CPD: variants seen among roughly 807,000 people sequenced by gnomAD.
CPD encodes carboxypeptidase D.
A neutral mutation model predicts 138.3 loss-of-function variants in CPD; 69 were observed. That is an observed-to-expected ratio of 0.50 (90% CI 0.41 to 0.61). The LOEUF is 0.61. Ranked by LOEUF, CPD falls within the 20% of genes least tolerant of loss-of-function variation. The pLI, the probability that CPD is intolerant of heterozygous loss-of-function variation, is 0.00. For synonymous variants in CPD, 651 were observed against 642.1 expected (o/e 1.01, Z -0.21); for missense variants, 1,432 against 1,733.3 (o/e 0.83, Z 3.09).
chr17:30,378,984 G>T lies in CPD; in HGVS notation c.4G>T (p.Ala2Ser). 1.3e-6 allele frequency: 2 copies of T among 1,530,492 alleles called. No homozygotes were observed. Among genetic ancestry groups the T allele is most frequent in the Non-Finnish European group, 8.7e-7 (1 of 1,149,936 alleles). 94.8% of individuals were successfully genotyped at this position (1,530,492 alleles called of 1,614,324 possible). A position where few individuals can be genotyped will look rare whatever the true frequency, so the allele number is the denominator to read the frequency against. Residue 2 changes from alanine to serine, a missense_variant, in exon 1 of 21, where the codon GCG becomes TCG. Physicochemically the swap from Ala to Ser is moderately conservative, Grantham distance 99. This residue lies in a region of CPD where 484 missense variants were observed against 477.2 expected (regional missense o/e 1.01). Transcript: ENST00000225719. The stretch of plus-strand genomic sequence containing the variant: ...GGGTTAGCGGCGCTGCTGGAAGATG[G>T]CGAGCGGCCGGGACGAGCGGCCGCC... M[A>S]SGRDERPPWR... is the part of the protein sequence containing the mutation.
Position 30,419,926 on chromosome 17 carries a change from C to T in CPD, c.995-915C>T, listed in dbSNP as rs139499930. ...TCCTGATCTGAAGGATCCTGTGTGA[C>T]ATCATCTGAGATGCACTGGGGGTTG... On this transcript the variant is annotated intron_variant, in intron 2 of 20. Coordinates refer to ENST00000225719, the MANE Select transcript of CPD (RefSeq NM_001304.5). Among the ~76,000 whole-genome samples, 105 of 152,316 alleles carry T rather than the reference C, an allele frequency of 6.9e-4. 1 individual carries two copies. The highest frequency in any genetic ancestry group is 2.4e-3 in the African/African-American group (99 of 41,568).
Position 30,379,109 on chromosome 17 carries a change from T to C in CPD, c.129T>C (p.Thr43=). The change falls in exon 1 of 21, where the codon ACT becomes ACC. Residue 43 remains threonine (T), a synonymous_variant. Transcript: ENST00000225719. The surrounding 1 kb of genome is among the most constrained non-coding windows in gnomAD (Gnocchi z 7.0). The part of the protein sequence containing the change: ...HIKKAEATTT[T]TSAGAEAAEG... ...AGAAGGCGGAGGCGACTACCACAACTACGAGCGCGGGCGCCGAGGCGGCCG... is the reference window on the plus strand; with the variant it reads ...AGAAGGCGGAGGCGACTACCACAACCACGAGCGCGGGCGCCGAGGCGGCCG... 1 of 1,547,030 alleles carries C rather than the reference T, an allele frequency of 6.5e-7. No individual in the cohort carries two copies.
At chr17:30,407,953 G>A (rs950175538) in intron 2 of CPD, among the ~76,000 whole-genome samples, 8 of 152,096 alleles carry the variant, frequency 5.3e-5, no homozygotes, top group South Asian at 2.1e-4. Flanking sequence ...CTTTTAGGTC[G>A]TACGTTTAAT....
intron 2 of CPD, among the ~76,000 whole-genome samples, chr17:30,414,319 T>C (rs1912047506): frequency 6.6e-6 from 1 of 152,214 alleles, no homozygotes; most frequent in African/African-American, 2.4e-5. Context: ...CTCATGCCTG[T>C]AATCCCAGCA....
chr17:30,424,363 T>G (rs1344552811), intron 6 of CPD, among the ~76,000 whole-genome samples: 5 of 152,182 alleles, frequency 3.3e-5, no homozygotes, highest in Non-Finnish European at 7.4e-5. Context: ...TAATGCTGAT[T>G]GACTTTTCCT....
chr17:30,417,595 TCA>T (rs1280357446), intron 2 of CPD, among the ~76,000 whole-genome samples: 2 of 152,186 alleles, frequency 1.3e-5, no homozygotes, highest in African/African-American at 2.4e-5. Flanking sequence ...TTTCTTTCTC[TCA>T]ACTCCCACTA....
chr17:30,452,105 G>A (rs1032920315), intron 14 of CPD, among the ~76,000 whole-genome samples: 1 of 152,126 alleles, frequency 6.6e-6, no homozygotes, highest in Non-Finnish European at 1.5e-5. Context: ...GTGTAGAGAT[G>A]TGTATTCTCT....
chr17:30,424,851 A>C (rs557683224), intron 6 of CPD, among the ~76,000 whole-genome samples: 1 of 152,254 alleles, frequency 6.6e-6, no homozygotes, highest in East Asian at 1.9e-4. Flanking sequence ...TATAATATGG[A>C]GCCTCATGAC....
chr17:30,448,810 T>G (rs887600533), intron 12 of CPD, among the ~76,000 whole-genome samples: 1 of 151,950 alleles, frequency 6.6e-6, no homozygotes, highest in Non-Finnish European at 1.5e-5. Flanking sequence ...TTAATTTTGA[T>G]TAAAAAGGGA....
intron 2 of CPD, among the ~76,000 whole-genome samples, chr17:30,416,873 C>T (rs369195002): frequency 2.0e-5 from 3 of 151,964 alleles, no homozygotes; most frequent in Non-Finnish European, 2.9e-5. Flanking sequence ...GAGGCTGAGG[C>T]GGGTGGATCA....
At chr17:30,431,333 G>T (rs915035126) in intron 7 of CPD, among the ~76,000 whole-genome samples, 5 of 152,086 alleles carry the variant, frequency 3.3e-5, no homozygotes, top group Non-Finnish European at 4.4e-5. Context: ...TTGTTAAGTT[G>T]TAAGAGTTTT....
At chr17:30,426,742 C>T (rs1912420855) in intron 6 of CPD, among the ~76,000 whole-genome samples, 1 of 152,152 alleles carries the variant, frequency 6.6e-6, no homozygotes, top group South Asian at 2.1e-4. Flanking sequence ...ACCTTGTGAC[C>T]TTTCATTAGT....
chr17:30,386,426 AACAT>A (rs1411287928), intron 2 of CPD, among the ~76,000 whole-genome samples: 1 of 152,062 alleles, frequency 6.6e-6, no homozygotes, highest in East Asian at 1.9e-4. Flanking sequence ...ATTGTGGTAA[AACAT>A]ACATATATAT....
chr17:30,432,514 C>T (rs1406768666), intron 8 of CPD, among the ~76,000 whole-genome samples: 1 of 152,036 alleles, frequency 6.6e-6, no homozygotes, highest in East Asian at 1.9e-4. Context: ...GAAAAGCAGG[C>T]AGAAATTTCT....
intron 8 of CPD, among the ~76,000 whole-genome samples, chr17:30,435,948 C>T (rs1395511478): frequency 3.9e-5 from 6 of 152,144 alleles, no homozygotes; most frequent in Non-Finnish European, 7.3e-5. Context: ...CTCCCTCTGT[C>T]TTCGTATCCC....
intron 15 of CPD, 169 bp from the exon 16 acceptor site, chr17:30,456,087 A>G: frequency 3.4e-6 from 2 of 586,512 alleles, no homozygotes; most frequent in Admixed American, 3.2e-5. Flanking sequence ...TTTGTCTTCT[A>G]TTATCTTGGG....
chr17:30,382,849 G>A (rs983521987), intron 1 of CPD, among the ~76,000 whole-genome samples: 7 of 152,064 alleles, frequency 4.6e-5, no homozygotes, highest in Admixed American at 6.6e-5. Flanking sequence ...GTATTTGTTT[G>A]TTTGTTTCGC....
intron 2 of CPD, among the ~76,000 whole-genome samples, chr17:30,396,163 A>G (rs1911502686): frequency 6.6e-6 from 1 of 152,192 alleles, no homozygotes; most frequent in Non-Finnish European, 1.5e-5. Context: ...CAAAGTCGTG[A>G]GAGAATTTCT....
rs1262410531 is a variant in CPD, at chr17:30,464,625, T to C, written c.3954T>C (p.Ile1318=). ...TMSALILTAC[I]IWCICSIKSN... The stretch of plus-strand genomic sequence containing the variant: ...CGGCATTGATCCTAACAGCTTGCAT[T>C]ATTTGGTGCATCTGCTCAATCAAGT... Residue 1318 remains isoleucine, a synonymous_variant, in exon 21 of 21, where the codon ATT becomes ATC. Coordinates refer to ENST00000225719, the MANE Select transcript of CPD (RefSeq NM_001304.5). 4 of 1,613,916 alleles carry C rather than the reference T, an allele frequency of 2.5e-6. No homozygotes were observed. Among genetic ancestry groups the C allele is most frequent in the Non-Finnish European group, 3.4e-6 (4 of 1,179,872 alleles).
Sources: allele counts gnomAD v4.1 joint callset (sites outside exome capture counted in the v4.1 genomes callset), GRCh38; gene constraint gnomAD v4.1.1; regional missense constraint gnomAD v4.1.1; non-coding constraint Gnocchi (gnomAD v3.1); transcripts MANE v1.5; gene names NCBI Gene and HGNC (gene_info 2026-07-23, HGNC 2026-07-21).